The following CTNNA1 variants were observed in gnomAD, a reference collection of about 807,000 sequenced individuals.
CTNNA1 encodes catenin alpha 1.
In CTNNA1, 37 loss-of-function variants were observed where a neutral mutation model predicts 98.4. The ratio of observed to expected loss-of-function variants is 0.38; its 90% CI spans 0.29 to 0.49. The LOEUF (loss-of-function observed/expected upper bound fraction) is 0.49, where lower values mean the gene tolerates loss of function less well. Among genes scored for constraint, CTNNA1 ranks in the 20% least tolerant of loss-of-function variants. The probability of loss-of-function intolerance (pLI) is 0.95; values close to 1 mark genes in which losing one functional copy is unlikely to be tolerated. For synonymous variants in CTNNA1, 404 were observed against 413.2 expected (o/e 0.98, Z 0.27); for missense variants, 761 against 1,147.2 (o/e 0.66, Z 4.86).
At chr5:138,758,848 C>T (rs1752010281) in intron 1 of CTNNA1, among the ~76,000 whole-genome samples, 1 of 151,128 alleles carries the variant, frequency 6.6e-6, no homozygotes, top group Admixed American at 6.6e-5. Flanking sequence ...GCTCTCGTTG[C>T]CCGGACTGGA....
At chr5:138,793,714 A>C (rs1756616130) in intron 3 of CTNNA1, among the ~76,000 whole-genome samples, 1 of 152,224 alleles carries the variant, frequency 6.6e-6, no homozygotes, top group South Asian at 2.1e-4. Flanking sequence ...CATGTTATGC[A>C]TTTATTTGAA....
At chr5:138,858,196 T>C (rs540745120) in intron 7 of CTNNA1, among the ~76,000 whole-genome samples, 1 of 152,050 alleles carries the variant, frequency 6.6e-6, no homozygotes, top group East Asian at 1.9e-4. Flanking sequence ...ATGTTAACAC[T>C]GCTCACTATA....
chr5:138,868,487 A>C (rs1454950881), intron 7 of CTNNA1, among the ~76,000 whole-genome samples: 2 of 151,972 alleles, frequency 1.3e-5, no homozygotes, highest in Non-Finnish European at 2.9e-5. Context: ...ACATCAACCA[A>C]CCCCCAAGGT....
chr5:138,822,945 C>T (rs1413581007), intron 5 of CTNNA1, among the ~76,000 whole-genome samples: 2 of 152,172 alleles, frequency 1.3e-5, no homozygotes, highest in Non-Finnish European at 2.9e-5. Flanking sequence ...ATAGCTAAGT[C>T]AGATGGCTAA....
At chr5:138,780,529 T>G (rs1216418578) in intron 1 of CTNNA1, among the ~76,000 whole-genome samples, 1 of 151,732 alleles carries the variant, frequency 6.6e-6, no homozygotes, top group Non-Finnish European at 1.5e-5. Flanking sequence ...ATTATTATTA[T>G]TTTTTAAGAT....
chr5:138,757,652 T>C (rs1751820851), intron 1 of CTNNA1, among the ~76,000 whole-genome samples: 1 of 152,176 alleles, frequency 6.6e-6, no homozygotes, highest in South Asian at 2.1e-4. Context: ...ATGCTGTACG[T>C]TATTATTGAT....
chr5:138,917,652 A>T (rs1239935339), intron 10 of CTNNA1, 90 bp from the exon 11 acceptor site: 8 of 1,292,948 alleles, frequency 6.2e-6, no homozygotes, highest in Non-Finnish European at 7.6e-6. Context: ...AGGATAGAGC[A>T]TGTGGTGTGA....
Position 138,810,040 on chromosome 5 carries a change from G to A in CTNNA1, c.304G>A (p.Asp102Asn). The change falls in exon 4 of 18, where the codon GAT becomes AAT. Residue 102 changes from aspartate to asparagine, a missense_variant and splice_region_variant. Physicochemically the swap from Asp to Asn is conservative, Grantham distance 23. Around this residue, in one of 6 missense-constraint regions of CTNNA1, gnomAD observed 328 missense variants for 354.3 expected, o/e 0.93. Transcript: ENST00000302763. ...TTGTTTTTCATTCTGTAAAACAGGTGATTTGATGAAGGCTGCTGCAGGAGA... is the reference window on the plus strand; with the variant it reads ...TTGTTTTTCATTCTGTAAAACAGGTAATTTGATGAAGGCTGCTGCAGGAGA... ...AAVEDVRKQG[D>N]LMKAAAGEFA... 3 of 1,600,094 alleles carry A rather than the reference G, an allele frequency of 1.9e-6. No homozygotes were observed. The highest frequency in any genetic ancestry group is 2.6e-6 in the Non-Finnish European group (3 of 1,168,660).
intron 3 of CTNNA1, among the ~76,000 whole-genome samples, chr5:138,792,960 C>T (rs1298132725): frequency 6.6e-6 from 1 of 152,038 alleles, no homozygotes; most frequent in Non-Finnish European, 1.5e-5. Flanking sequence ...CCCTTGTTGT[C>T]TTAGAATTTT....
intron 3 of CTNNA1, among the ~76,000 whole-genome samples, chr5:138,791,548 CAGAGGT>C (rs1432912651): frequency 8.0e-6 from 1 of 124,242 alleles, no homozygotes; most frequent in African/African-American, 3.1e-5. Context: ...GCCCGGAAGG[CAGAGGT>C]TGCAGTGAGC....
intron 1 of CTNNA1, among the ~76,000 whole-genome samples, chr5:138,766,099 C>T (rs991009884): frequency 6.6e-6 from 1 of 151,978 alleles, no homozygotes; most frequent in Admixed American, 6.6e-5. Context: ...TTACCATGAT[C>T]AAAAAACTCG....
At chr5:138,789,926 T>G (rs879300541) in intron 3 of CTNNA1, among the ~76,000 whole-genome samples, 3 of 152,016 alleles carry the variant, frequency 2.0e-5, no homozygotes, top group Non-Finnish European at 4.4e-5. Context: ...TTTTAAAAGC[T>G]TTTTTTTCCC....
chr5:138,775,299 G>A (rs1271225351), intron 1 of CTNNA1, among the ~76,000 whole-genome samples: 1 of 152,186 alleles, frequency 6.6e-6, no homozygotes, highest in Non-Finnish European at 1.5e-5. Flanking sequence ...CAAACCTTTA[G>A]CAATCTAGAG....
chr5:138,822,018 A>G (rs1402227654), intron 5 of CTNNA1, among the ~76,000 whole-genome samples: 1 of 152,152 alleles, frequency 6.6e-6, no homozygotes, highest in Non-Finnish European at 1.5e-5. Context: ...AAAGAGAGAA[A>G]AAAGAACACT....
chr5:138,922,764 G>A (rs925164349), intron 11 of CTNNA1, among the ~76,000 whole-genome samples: 1 of 152,154 alleles, frequency 6.6e-6, no homozygotes, highest in Non-Finnish European at 1.5e-5. Context: ...GGTAGCCTCA[G>A]CGAGGCTGGG....
chr5:138,932,113 A>C, intron 16 of CTNNA1: 1 of 987,128 alleles, frequency 1.0e-6, no homozygotes, highest in Non-Finnish European at 1.2e-6. Flanking sequence ...GGCATTAATA[A>C]CGCAAAGTGC....
At chr5:138,775,501 C>T (rs1019216870) in intron 1 of CTNNA1, among the ~76,000 whole-genome samples, 4 of 152,152 alleles carry the variant, frequency 2.6e-5, no homozygotes, top group African/African-American at 9.6e-5. Flanking sequence ...TTTTGGCACC[C>T]CTATCTCTAG....
At chr5:138,807,264 T>TC in intron 3 of CTNNA1, among the ~76,000 whole-genome samples, 1 of 152,028 alleles carries the variant, frequency 6.6e-6, no homozygotes, top group South Asian at 2.1e-4. Context: ...GGTCTCAGCC[T>TC]CCCAAAGTCC....
chr5:138,924,784 C>T, intron 12 of CTNNA1, 74 bp downstream of exon 12: 1 of 1,322,594 alleles, frequency 7.6e-7, no homozygotes, highest in Non-Finnish European at 1.1e-6. Flanking sequence ...ATTAGCCCAG[C>T]CCTGTGGTGA....
Sources: gnomAD v4.1 joint callset for allele counts (sites outside exome capture counted in the v4.1 genomes callset) on GRCh38, gnomAD v4.1.1 for gene constraint, gnomAD v4.1.1 regional missense constraint, MANE v1.5 for transcripts, NCBI Gene and HGNC (gene_info 2026-07-23, HGNC 2026-07-21) for gene names.